Variants in SMARCA5 observed in about 807,000 individuals in gnomAD.
The protein encoded by SMARCA5 is SNF2 related chromatin remodeling ATPase 5.
SMARCA5 carries 18 observed loss-of-function variants against 140.4 expected under a neutral mutation model. The ratio of observed to expected loss-of-function variants is 0.13; its 90% CI spans 0.09 to 0.19. SMARCA5 has a LOEUF of 0.19. SMARCA5 is among the 10% of genes least tolerant of loss of function. The pLI is 1.00. For synonymous variants in SMARCA5, 449 were observed against 419.6 expected (o/e 1.07, Z -0.86); for missense variants, 606 against 1,276.8 (o/e 0.47, Z 8.01).
chr4:143,553,365 A>C lies in SMARCA5; in HGVS notation c.*181A>C. Reference sequence around the variant, plus strand: ...TTTTTAAATGCAACAGCTGTGCTGAAATTTTTTTATCATTAACACTTGAAG... The same window carrying C: ...TTTTTAAATGCAACAGCTGTGCTGACATTTTTTTATCATTAACACTTGAAG... On this transcript the variant is annotated 3_prime_UTR_variant, in exon 24 of 24. Transcript: ENST00000283131. The C allele has an allele frequency of 2.0e-6, 1 of 496,038 alleles. No homozygotes were observed. Among genetic ancestry groups the C allele is most frequent in the Non-Finnish European group, 3.6e-6 (1 of 275,522 alleles). The allele number at this position is 496,038 out of a possible 1,614,324, so 30.7% of individuals were successfully genotyped here.
At position 143,555,835 on chromosome 4, in the gene SMARCA5, G is replaced by T. The variant is rs1220219277; in HGVS notation, c.*2651G>T. ...GTTTTTTTAGTTTTTGTAGAGATAG[G>T]GCCTTGCTATGTTGCCCAGTCCGGT... On this transcript the variant is annotated 3_prime_UTR_variant, in exon 24 of 24. Transcript: ENST00000283131. The T allele has an allele frequency of 1.9e-5, 3 of 155,420 alleles. No individual in the cohort carries two copies. Among genetic ancestry groups the T allele is most frequent in the Non-Finnish European group, 4.2e-5 (3 of 70,614 alleles). The allele number at this position is 155,420 out of a possible 1,614,324, so 9.6% of individuals were successfully genotyped here. A position where few individuals can be genotyped will look rare whatever the true frequency, so the allele number is the denominator to read the frequency against.
At chr4:143,518,374 TTTAA>T (rs1736886373) in intron 2 of SMARCA5, among the ~76,000 whole-genome samples, 1 of 152,182 alleles carries the variant, frequency 6.6e-6, no homozygotes, top group African/African-American at 2.4e-5. Context: ...ATTAAACTCA[TTTAA>T]TTGTATTGAA....
intron 14 of SMARCA5, among the ~76,000 whole-genome samples, chr4:143,542,917 T>TG (rs1194353830): frequency 1.3e-5 from 2 of 152,184 alleles, no homozygotes; most frequent in African/African-American, 4.8e-5. Flanking sequence ...AGTTGAAGGC[T>TG]GCAGTGACTA....
Position 143,521,425 on chromosome 4 carries a change from TCAGCAAAC to T in SMARCA5, c.253-3_257del. 1 of 1,584,310 alleles carries T rather than the reference TCAGCAAAC, an allele frequency of 6.3e-7. No individual in the cohort carries two copies. On this transcript the variant is annotated splice_acceptor_variant and splice_polypyrimidine_tract_variant and coding_sequence_variant and intron_variant, in exon 3 of 24. Coordinates refer to ENST00000283131, the MANE Select transcript of SMARCA5 (RefSeq NM_003601.4). LOFTEE classifies it high-confidence loss of function. The stretch of plus-strand genomic sequence containing the variant: ...AAAATGTATCTTAAATTTTTTTTTT[TCAGCAAAC>T]TGACCGGGCAAATAGATTCGAGTAT...
Position 143,543,674 on chromosome 4 carries a change from A to C in SMARCA5, c.2052+17A>C. The stretch of plus-strand genomic sequence containing the variant: ...GCAAAGAAGGTGAGATGTAGATTAA[A>C]TAATGCTTTTAATATAGAATGTTTT... On this transcript the variant is annotated intron_variant, in intron 15 of 23. Coordinates refer to ENST00000283131, the MANE Select transcript of SMARCA5 (RefSeq NM_003601.4). The C allele has an allele frequency of 6.2e-7, 1 of 1,600,152 alleles. No individual in the cohort carries two copies. Among genetic ancestry groups the C allele is most frequent in the Non-Finnish European group, 8.5e-7 (1 of 1,169,592 alleles).
At position 143,548,028 on chromosome 4, in the gene SMARCA5, T is replaced by G. The variant is rs913674843; in HGVS notation, c.2873T>G (p.Met958Arg). ...GAAGAAGATCGTTTTCTGATTTGTA[T>G]GCTTCACAAACTTGGATTTGACAAA... ...TEEEDRFLIC[M>R]LHKLGFDKEN... Residue 958 changes from methionine to arginine, a missense_variant, in exon 22 of 24, where the codon ATG becomes AGG. Physicochemically the swap from Met to Arg is moderately conservative, Grantham distance 91. Around this residue, in one of 10 missense-constraint regions of SMARCA5, gnomAD observed 121 missense variants for 227.1 expected, o/e 0.53. Coordinates refer to ENST00000283131, the MANE Select transcript of SMARCA5 (RefSeq NM_003601.4). The G allele has an allele frequency of 1.2e-6, 2 of 1,611,218 alleles. No homozygotes were observed. The highest frequency in any genetic ancestry group is 2.7e-5 in the African/African-American group (2 of 74,872).
intron 23 of SMARCA5, among the ~76,000 whole-genome samples, chr4:143,550,881 A>G (rs1392323865): frequency 6.6e-6 from 1 of 152,152 alleles, no homozygotes; most frequent in Non-Finnish European, 1.5e-5. Flanking sequence ...ATAGTGCTGC[A>G]GTAAACATGG....
chr4:143,550,064 A>G lies in SMARCA5; in HGVS notation c.3053A>G (p.Lys1018Arg). 6.3e-7 allele frequency: 1 copy of G among 1,589,104 alleles called. No homozygotes were observed. Among genetic ancestry groups the G allele is most frequent in the South Asian group, 1.2e-5 (1 of 86,124 alleles). Residue 1018 changes from lysine to arginine, a missense_variant, in exon 23 of 24, where the codon AAG becomes AGG. Coordinates refer to ENST00000283131, the MANE Select transcript of SMARCA5 (RefSeq NM_003601.4). ...IERENMELEEKEKAEKKKRGP... is the reference protein window; with the variant it reads ...IERENMELEEREKAEKKKRGP... Reference sequence around the variant, plus strand: ...AGAGAAAACATGGAACTAGAAGAAAAGGAGAAGGCAGAGAAAAAGAAACGA... The same window carrying G: ...AGAGAAAACATGGAACTAGAAGAAAGGGAGAAGGCAGAGAAAAAGAAACGA...
At chr4:143,542,449 C>G (rs542296865) in intron 14 of SMARCA5, among the ~76,000 whole-genome samples, 2 of 152,222 alleles carry the variant, frequency 1.3e-5, no homozygotes, top group East Asian at 3.9e-4. Context: ...TTTGTATAAG[C>G]ATAAGAACAT....
rs1449388812 is a variant in SMARCA5 at position 143,523,032 on chromosome 4, TTTTG to T, written c.420-1323_420-1320del. On this transcript the variant is annotated intron_variant, in intron 3 of 23. Coordinates refer to ENST00000283131, the MANE Select transcript of SMARCA5 (RefSeq NM_003601.4). ...CAGGAATACATTTTTTTAAATCTTT[TTTTG>T]TTTGTTTGTTTTTATTGAGACAGAG... is the stretch of plus-strand genomic sequence containing the variant. Among the ~76,000 whole-genome samples, 31 of 152,220 alleles carry T rather than the reference TTTTG, an allele frequency of 2.0e-4. No homozygotes were observed. The South Asian group carries it at 5.6e-3, about 28-fold the overall frequency.
At chr4:143,539,372 C>G (rs758000202) in intron 13 of SMARCA5, among the ~76,000 whole-genome samples, 2 of 152,156 alleles carry the variant, frequency 1.3e-5, no homozygotes, top group Non-Finnish European at 2.9e-5. Context: ...TGATGAGCAA[C>G]TAGCCTGTCT....
At position 143,554,356 on chromosome 4, in the gene SMARCA5, CTT is replaced by C. The variant is rs1299984871; in HGVS notation, c.*1175_*1176del. On this transcript the variant is annotated 3_prime_UTR_variant, in exon 24 of 24. Transcript: ENST00000283131. ...AATGTAGCATCGTGAATAAATATAA[CTT>C]TTATAATCCGTAAAGTGGTCTTTTC... 1 of 152,062 alleles carries C rather than the reference CTT, an allele frequency of 6.6e-6. No homozygotes were observed. The highest frequency in any genetic ancestry group is 1.5e-5 in the Non-Finnish European group (1 of 67,984). 9.4% of individuals were successfully genotyped at this position (152,062 alleles called of 1,614,324 possible). A position where few individuals can be genotyped will look rare whatever the true frequency, so the allele number is the denominator to read the frequency against.
intron 4 of SMARCA5, among the ~76,000 whole-genome samples, chr4:143,524,866 A>C (rs370055831): frequency 6.6e-6 from 1 of 152,148 alleles, no homozygotes; most frequent in Non-Finnish European, 1.5e-5. Context: ...TTTATCCTCA[A>C]GTGTTTTTCA....
In SMARCA5 at chr4:143,538,745, A is replaced by G. The variant is rs772700939; in HGVS notation, c.1617+34A>G. 4.3e-6 allele frequency: 7 copies of G among 1,613,550 alleles called. No homozygotes were observed. The South Asian group carries it at 7.7e-5, about 18-fold the overall frequency. ...AATTTGGGGAGGGAGATAAAAAAGA[A>G]TCAGATAAATTTTTTGACAACCATT... On this transcript the variant is annotated intron_variant, in intron 12 of 23. Transcript: ENST00000283131.
chr4:143,549,111 T>C (rs1737587486), intron 22 of SMARCA5, among the ~76,000 whole-genome samples: 1 of 152,076 alleles, frequency 6.6e-6, no homozygotes, highest in Non-Finnish European at 1.5e-5. Flanking sequence ...AATTTTATAG[T>C]GATTGTAACA....
intron 9 of SMARCA5, among the ~76,000 whole-genome samples, chr4:143,531,571 T>C (rs1236594503): frequency 6.6e-6 from 1 of 152,180 alleles, no homozygotes; most frequent in Non-Finnish European, 1.5e-5. Flanking sequence ...CCTGATACTT[T>C]TACTCACTAG....
chr4:143,531,699 G>T (rs960735142), intron 9 of SMARCA5, among the ~76,000 whole-genome samples: 1 of 152,122 alleles, frequency 6.6e-6, no homozygotes, highest in Admixed American at 6.5e-5. Flanking sequence ...ACATTCTTTG[G>T]CATCTGTTTT....
At chr4:143,548,770 C>A (rs1021125338) in intron 22 of SMARCA5, among the ~76,000 whole-genome samples, 1 of 151,972 alleles carries the variant, frequency 6.6e-6, no homozygotes, top group African/African-American at 2.4e-5. Flanking sequence ...CTAATAAGTT[C>A]TTTAGTCTTA....
At chr4:143,548,965 G>A (rs2149825330) in intron 22 of SMARCA5, among the ~76,000 whole-genome samples, 1 of 152,094 alleles carries the variant, frequency 6.6e-6, no homozygotes, top group Non-Finnish European at 1.5e-5. Context: ...CCAAGTTTGG[G>A]AAATGTACTA....
Sources: allele counts gnomAD v4.1 joint callset (sites outside exome capture counted in the v4.1 genomes callset), GRCh38; gene constraint gnomAD v4.1.1; regional missense constraint gnomAD v4.1.1; transcripts MANE v1.5; gene names NCBI Gene and HGNC (gene_info 2026-07-23, HGNC 2026-07-21).